The following PHF12 variants were observed in gnomAD, a reference collection of about 807,000 sequenced individuals.
PHF12 encodes the protein PHD finger protein 12.
In PHF12, 6 loss-of-function variants were observed where a neutral mutation model predicts 99.8. The observed-to-expected ratio is 0.06, with a 90% CI of 0.03 to 0.12. The LOEUF (loss-of-function observed/expected upper bound fraction) is 0.12. PHF12 is among the 10% of genes least tolerant of loss of function. The pLI is 1.00. For missense variants in PHF12, 954 were observed against 1,300.1 expected (o/e 0.73, Z 4.09); for synonymous variants, 480 against 514.9 (o/e 0.93, Z 0.92).
intron 11 of PHF12, chr17:28,909,574 T>C (rs1283793487): frequency 6.5e-6 from 1 of 153,044 alleles, no homozygotes; most frequent in Non-Finnish European, 1.5e-5. Flanking sequence ...GCCATTCTTT[T>C]TAAAATTTTA....
At chr17:28,945,244 A>ACAAACAACCCCACTTCAAACAT (rs2040700542) in intron 2 of PHF12, 1 of 152,208 alleles carries the variant, frequency 6.6e-6, no homozygotes, top group Non-Finnish European at 1.5e-5. Context: ...CCAAAAACAA[A>ACAAACAACCCCACTTCAAACAT]CAAACAACCC....
At chr17:28,916,986 G>A (rs555515441) in intron 7 of PHF12, among the ~76,000 whole-genome samples, 4 of 152,334 alleles carry the variant, frequency 2.6e-5, no homozygotes, top group South Asian at 2.1e-4. Context: ...ATGAGCGTTA[G>A]GTGAGGGTGG....
intron 2 of PHF12, among the ~76,000 whole-genome samples, chr17:28,934,422 G>A (rs1009273864): frequency 9.2e-5 from 14 of 152,122 alleles, no homozygotes. Flanking sequence ...AGACAGTGAA[G>A]TTAAGGATCG....
chr17:28,924,322 G>A lies in PHF12; in HGVS notation c.322-20C>T. 6.2e-7 allele frequency: 1 copy of A among 1,613,962 alleles called. No individual in the cohort carries two copies. The highest frequency in any genetic ancestry group is 8.5e-7 in the Non-Finnish European group (1 of 1,180,030). ...TCGTTTCTGTGCAAATGAACAGGTGGGCCCATCATGAAAAGTACCATGAAA... is the reference window on the plus strand; with the variant it reads ...TCGTTTCTGTGCAAATGAACAGGTGAGCCCATCATGAAAAGTACCATGAAA... On this transcript the variant is annotated intron_variant, in intron 3 of 14. Transcript: ENST00000332830.
At chr17:28,945,893 T>C (rs1034604660) in intron 2 of PHF12, among the ~76,000 whole-genome samples, 3 of 152,152 alleles carry the variant, frequency 2.0e-5, no homozygotes, top group African/African-American at 4.8e-5. Flanking sequence ...CCCAGCTCTT[T>C]GGGAGGCCGA....
chr17:28,929,145 A>C (rs2040346519), intron 2 of PHF12, among the ~76,000 whole-genome samples: 1 of 151,952 alleles, frequency 6.6e-6, no homozygotes, highest in African/African-American at 2.4e-5. Flanking sequence ...ATGCTTAAGA[A>C]ATTCCTACCA....
intron 8 of PHF12, 21 bp from the exon 9 acceptor site, chr17:28,913,298 A>G (rs1555604081): frequency 1.9e-6 from 3 of 1,583,046 alleles, no homozygotes; most frequent in Non-Finnish European, 2.6e-6. Context: ...AGGAGAGGAG[A>G]GGGGGGTGAG....
chr17:28,949,081 C>T lies in PHF12; in HGVS notation c.248+984G>A, dbSNP rs1241870056. Among the ~76,000 whole-genome samples, 1 of 152,136 alleles carries T rather than the reference C, an allele frequency of 6.6e-6. No homozygotes were observed. The highest frequency in any genetic ancestry group is 1.5e-5 in the Non-Finnish European group (1 of 68,022). ...TCCCTCCCTCTCGGTTCGGTCTCTCCCCTCCTCTCATGTCCAGTAAGGGGG... is the reference window on the plus strand; with the variant it reads ...TCCCTCCCTCTCGGTTCGGTCTCTCTCCTCCTCTCATGTCCAGTAAGGGGG... On this transcript the variant is annotated intron_variant, in intron 2 of 14. Transcript: ENST00000332830. The surrounding 1 kb of genome is among the most constrained non-coding windows in gnomAD (Gnocchi z 4.6).
chr17:28,911,114 C>A lies in PHF12; in HGVS notation c.2213G>T (p.Gly738Val). 6.2e-7 allele frequency: 1 copy of A among 1,614,170 alleles called. No homozygotes were observed. The highest frequency in any genetic ancestry group is 1.1e-5 in the South Asian group (1 of 91,088). ...NSLRAFMDVN[G>V]EIEINMLDEK... ...ACAGCAGCAGCTCATTCACTCACCTCCATTGACATCCATAAATGCTCGAAG... is the reference window on the plus strand; with the variant it reads ...ACAGCAGCAGCTCATTCACTCACCTACATTGACATCCATAAATGCTCGAAG... The change falls in exon 10 of 15, where the codon GGA (glycine) becomes GTA (valine). Residue 738 changes from glycine (G) to valine (V), a missense_variant and splice_region_variant. Transcript: ENST00000332830.
At chr17:28,917,610 C>T (rs1348630262) in intron 6 of PHF12, among the ~76,000 whole-genome samples, 161 bp from the exon 7 acceptor site, 1 of 152,162 alleles carries the variant, frequency 6.6e-6, no homozygotes, top group Admixed American at 6.5e-5. Context: ...AGCAAGGGAA[C>T]ATGGATGAGA....
intron 9 of PHF12, chr17:28,912,197 A>C: frequency 1.6e-6 from 2 of 1,230,540 alleles, no homozygotes; most frequent in Non-Finnish European, 2.0e-6. Flanking sequence ...CCTGGAAGGT[A>C]TGGGATGGAG....
chr17:28,950,045 A>G lies in PHF12; in HGVS notation c.248+20T>C, dbSNP rs1316391976. 6.4e-7 allele frequency: 1 copy of G among 1,573,762 alleles called. No individual in the cohort carries two copies. The highest frequency in any genetic ancestry group is 1.4e-5 in the African/African-American group (1 of 72,946). On this transcript the variant is annotated intron_variant, in intron 2 of 14. Coordinates refer to ENST00000332830, the MANE Select transcript of PHF12 (RefSeq NM_001033561.2). This position sits in a 1 kb window ranked among gnomAD's most constrained non-coding sequence, Gnocchi z 5.7. ...GAGAAGGGTCCGCCAAGAAGCTCCAAAAGGGTCCCCAGACCTTACCAGCAC... is the reference window on the plus strand; with the variant it reads ...GAGAAGGGTCCGCCAAGAAGCTCCAGAAGGGTCCCCAGACCTTACCAGCAC...
At chr17:28,926,168 G>A (rs115668864) in intron 3 of PHF12, 21 of 152,712 alleles carry the variant, frequency 1.4e-4, no homozygotes, top group African/African-American at 5.1e-4. Context: ...CTTAAAGGCT[G>A]AAACTGTTAC....
chr17:28,948,391 T>G (rs377751308), intron 2 of PHF12, among the ~76,000 whole-genome samples: 3 of 152,216 alleles, frequency 2.0e-5, no homozygotes, highest in Admixed American at 6.5e-5. Flanking sequence ...ACCAGAAATA[T>G]CTTCTCCAGG....
rs1399385648 is a variant in PHF12, at chr17:28,919,014, G to C, written c.969+129C>G. 5.2e-6 allele frequency: 6 copies of C among 1,157,824 alleles called. No individual in the cohort carries two copies. In the African/African-American group the frequency reaches 7.8e-5, roughly 15 times the overall value. 71.7% of individuals were successfully genotyped at this position (1,157,824 alleles called of 1,614,324 possible). A position where few individuals can be genotyped will look rare whatever the true frequency, so the allele number is the denominator to read the frequency against. On this transcript the variant is annotated intron_variant, in intron 6 of 14. Coordinates refer to ENST00000332830, the MANE Select transcript of PHF12 (RefSeq NM_001033561.2). ...AAAATGATCAGAATTGAGTAGGGTG[G>C]CCTGCAGAAACCAGTACCTATGACA...
rs1405535637 is a variant in PHF12, at chr17:28,921,724, A to G, written c.800T>C (p.Val267Ala). ...GAAGCAGACTTTGACGGGTAAGGGA[A>G]CGAGACCATTGTGATCTAATTCATG... Reference protein sequence around the residue: ...TQHELDHNGLVPLPVKVCFTC... With the variant: ...TQHELDHNGLAPLPVKVCFTC... Residue 267 changes from valine (V) to alanine (A), a missense_variant, in exon 5 of 15, where the codon GTT becomes GCT. Physicochemically the swap from Val to Ala is moderately conservative, Grantham distance 64 (BLOSUM62 0). Coordinates refer to ENST00000332830, the MANE Select transcript of PHF12 (RefSeq NM_001033561.2). The G allele has an allele frequency of 1.2e-6, 2 of 1,614,164 alleles. No individual in the cohort carries two copies. Among genetic ancestry groups the G allele is most frequent in the Non-Finnish European group, 8.5e-7 (1 of 1,179,990 alleles).
At chr17:28,943,760 TAATA>T (rs896156768) in intron 2 of PHF12, among the ~76,000 whole-genome samples, 14 of 148,448 alleles carry the variant, frequency 9.4e-5, no homozygotes. Context: ...ACTAATGAAC[TAATA>T]AATAAAATGT....
intron 2 of PHF12, among the ~76,000 whole-genome samples, chr17:28,944,154 A>G (rs1056414653): frequency 3.3e-5 from 5 of 152,246 alleles, no homozygotes; most frequent in African/African-American, 1.2e-4. Flanking sequence ...TTAAAAATAC[A>G]CAAGTCATTT....
intron 10 of PHF12, 40 bp downstream of exon 10, chr17:28,911,072 A>C (rs2039951297): frequency 6.2e-7 from 1 of 1,613,264 alleles, no homozygotes; most frequent in Non-Finnish European, 8.5e-7. Flanking sequence ...AGCACCTTCA[A>C]CATAGCAAAC....
Sources: allele counts gnomAD v4.1 joint callset (sites outside exome capture counted in the v4.1 genomes callset), GRCh38; gene constraint gnomAD v4.1.1; non-coding constraint Gnocchi (gnomAD v3.1); transcripts MANE v1.5; gene names NCBI Gene and HGNC (gene_info 2026-07-23, HGNC 2026-07-21).